Variants in NOCT observed in about 807,000 individuals in gnomAD.
NOCT encodes CCR4 carbon catabolite repression 4-like.
In NOCT, 18 loss-of-function variants were observed where a neutral mutation model predicts 35.0. That is an observed-to-expected ratio of 0.51 (90% confidence interval 0.36 to 0.76). The LOEUF (loss-of-function observed/expected upper bound fraction) is 0.76. NOCT is among the 30% of genes least tolerant of loss of function. NOCT has a pLI of 0.01. For missense variants in NOCT, 479 were observed against 541.0 expected (o/e 0.89, Z 1.14); for synonymous variants, 235 against 226.3 (o/e 1.04, Z -0.34).
chr4:139,045,420 C>T lies in NOCT; in HGVS notation c.1242C>T (p.His414=). The stretch of plus-strand genomic sequence containing the variant: ...CTTCCTTCAATTATCCTTCAGACCA[C>T]CTGTCTCTAGTGTGTGACTTCAGCT... ...RLPSFNYPSD[H]LSLVCDFSFT... Residue 414 remains histidine, a synonymous_variant, in exon 3 of 3, where the codon CAC becomes CAT. Transcript: ENST00000280614. The T allele has an allele frequency of 6.2e-7, 1 of 1,613,250 alleles. No homozygotes were observed.
chr4:139,045,384 C>A lies in NOCT; in HGVS notation c.1206C>A (p.Pro402=). Residue 402 remains proline (P), a synonymous_variant, in exon 3 of 3, where the codon CCC becomes CCA. Transcript: ENST00000280614. ...TGCTCACTGAAGAACAGATTGGACC[C>A]AACAGGTTACCTTCCTTCAATTATC... is the stretch of plus-strand genomic sequence containing the variant. ...LDLLTEEQIG[P]NRLPSFNYPS... The A allele has an allele frequency of 1.2e-6, 2 of 1,614,056 alleles. No individual in the cohort carries two copies. The highest frequency in any genetic ancestry group is 1.7e-6 in the Non-Finnish European group (2 of 1,179,954).
intron 1 of NOCT, among the ~76,000 whole-genome samples, chr4:139,031,006 C>T (rs966158517): frequency 4.6e-5 from 7 of 152,094 alleles, no homozygotes; most frequent in Non-Finnish European, 1.0e-4. Flanking sequence ...GCCAGGCCAC[C>T]GTTTCAAGAT....
chr4:139,020,435 G>GT (rs373606536), intron 1 of NOCT, among the ~76,000 whole-genome samples: 5 of 152,266 alleles, frequency 3.3e-5, no homozygotes, highest in African/African-American at 9.6e-5. Flanking sequence ...GAAGGGGACA[G>GT]TTTGCGGGGT....
At chr4:139,033,766 T>G (rs1052955372) in intron 1 of NOCT, among the ~76,000 whole-genome samples, 3 of 147,044 alleles carry the variant, frequency 2.0e-5, no homozygotes, top group Non-Finnish European at 4.5e-5. Flanking sequence ...TCTCATTTTG[T>G]TTTTTTTTTG....
At chr4:139,039,170 CAAAA>C (rs59445691) in intron 1 of NOCT, among the ~76,000 whole-genome samples, 1,871 of 91,370 alleles carry the variant, frequency 0.02, 83 homozygotes, top group African/African-American at 0.076. Flanking sequence ...GACTCCATTT[CAAAA>C]AAAAAAAAAA....
intron 2 of NOCT, 83 bp from the exon 3 acceptor site, chr4:139,044,556 G>A (rs1341801811): frequency 2.5e-6 from 2 of 800,734 alleles, no homozygotes; most frequent in East Asian, 4.9e-5. Flanking sequence ...CATTCTGAGG[G>A]TCTTGAGTGA....
intron 1 of NOCT, among the ~76,000 whole-genome samples, chr4:139,025,583 G>A (rs1184539171): frequency 6.6e-6 from 1 of 152,094 alleles, no homozygotes; most frequent in Non-Finnish European, 1.5e-5. Context: ...GGCCAAGGCG[G>A]GCAGATTGGG....
At position 139,030,046 on chromosome 4, in the gene NOCT, C is replaced by T. The variant is rs575292728; in HGVS notation, c.191-13028C>T. On this transcript the variant is annotated intron_variant, in intron 1 of 2. Coordinates refer to ENST00000280614, the MANE Select transcript of NOCT (RefSeq NM_012118.4). The stretch of plus-strand genomic sequence containing the variant: ...AGCTGGGATTACAGGGCTGCCACCA[C>T]GCCCAGCTAATTTTTTTGTATTTTT... Among the ~76,000 whole-genome samples, 10 of 152,190 alleles carry T rather than the reference C, an allele frequency of 6.6e-5. No individual in the cohort carries two copies. The South Asian group carries it at 2.1e-3, about 32-fold the overall frequency.
chr4:139,028,400 T>A (rs2292839), intron 1 of NOCT: 26,359 of 152,324 alleles, frequency 0.17, 2,802 homozygotes, highest in Middle Eastern at 0.34. Flanking sequence ...GGTGCTTGTA[T>A]TTTTAGACAC....
chr4:139,017,965 G>A (rs1726343644), intron 1 of NOCT, among the ~76,000 whole-genome samples: 1 of 152,100 alleles, frequency 6.6e-6, no homozygotes, highest in Admixed American at 6.6e-5. Context: ...CTCTGGAGCA[G>A]TTGAGATTTG....
chr4:139,020,472 C>G (rs1182905129), intron 1 of NOCT, among the ~76,000 whole-genome samples: 1 of 152,156 alleles, frequency 6.6e-6, no homozygotes, highest in Non-Finnish European at 1.5e-5. Context: ...GAAGACCACA[C>G]ACACAATGCC....
At chr4:139,026,566 T>G (rs1268296855) in intron 1 of NOCT, among the ~76,000 whole-genome samples, 1 of 151,778 alleles carries the variant, frequency 6.6e-6, no homozygotes, top group South Asian at 2.1e-4. Context: ...TTTTTTTTTT[T>G]TGAGACAGAG....
At chr4:139,038,529 T>A (rs887546221) in intron 1 of NOCT, among the ~76,000 whole-genome samples, 2 of 151,956 alleles carry the variant, frequency 1.3e-5, no homozygotes, top group Non-Finnish European at 2.9e-5. Flanking sequence ...AAAAACTAGA[T>A]CCCCCTAAAA....
In NOCT at chr4:139,045,097, A is replaced by C; in HGVS notation, c.919A>C (p.Asn307His). The part of the protein sequence containing the change: ...RSAQGCDLLQ[N>H]LQNITQGAKI... ...AGCTCAAGGCTGTGACCTCCTTCAGAACCTGCAAAACATCACCCAAGGAGC... is the reference window on the plus strand; with the variant it reads ...AGCTCAAGGCTGTGACCTCCTTCAGCACCTGCAAAACATCACCCAAGGAGC... The change falls in exon 3 of 3, where the codon AAC becomes CAC. Residue 307 changes from asparagine (N) to histidine (H), a missense_variant. This residue lies in a region of NOCT where 214 missense variants were observed against 284.0 expected (regional missense o/e 0.75). Transcript: ENST00000280614. The C allele has an allele frequency of 1.9e-6, 3 of 1,614,214 alleles. No individual in the cohort carries two copies. The highest frequency in any genetic ancestry group is 1.1e-5 in the South Asian group (1 of 91,090).
rs115656053 is a variant in NOCT, at chr4:139,023,432, A to G, written c.190+7261A>G. 5.8e-3 allele frequency among the ~76,000 whole-genome samples: 877 copies of G among 152,298 alleles called. 10 individuals are homozygous for G. The highest frequency in any genetic ancestry group is 0.02 in the African/African-American group (843 of 41,564). Reference sequence around the variant, plus strand: ...TTATCATTGAAGGTCTGCTGAAGGAAAATGTTTATCTTTCAAATCTTGTAG... The same window carrying G: ...TTATCATTGAAGGTCTGCTGAAGGAGAATGTTTATCTTTCAAATCTTGTAG... On this transcript the variant is annotated intron_variant, in intron 1 of 2. Coordinates refer to ENST00000280614, the MANE Select transcript of NOCT (RefSeq NM_012118.4).
Position 139,045,231 on chromosome 4 carries a change from G to A in NOCT, c.1053G>A (p.Leu351=), listed in dbSNP as rs773335755. The A allele has an allele frequency of 5.8e-5, 93 of 1,614,052 alleles. No individual in the cohort carries two copies. Among genetic ancestry groups the A allele is most frequent in the African/African-American group, 1.3e-5 (1 of 74,906 alleles). The change falls in exon 3 of 3, where the codon CTG becomes CTA. Residue 351 remains leucine, a synonymous_variant. Coordinates refer to ENST00000280614, the MANE Select transcript of NOCT (RefSeq NM_012118.4). Reference sequence around the variant, plus strand: ...ACCTGAACAGCGCCTACAAGCTGCTGAGTGCTGATGGGCAGTCAGAACCCC... The same window carrying A: ...ACCTGAACAGCGCCTACAAGCTGCTAAGTGCTGATGGGCAGTCAGAACCCC... ...SLNLNSAYKL[L]SADGQSEPPY... is the part of the protein sequence containing the mutation.
Position 139,016,078 on chromosome 4 carries a change from TC to T in NOCT, c.101del (p.Pro34ArgfsTer49). 1 of 1,389,862 alleles carries T rather than the reference TC, an allele frequency of 7.2e-7. No homozygotes were observed. The allele number at this position is 1,389,862 out of a possible 1,614,324, so 86.1% of individuals were successfully genotyped here. On this transcript the variant is annotated frameshift_variant, in exon 1 of 3. Transcript: ENST00000280614. LOFTEE classifies it high-confidence loss of function. ...LPAPGLRRPL[S>X]PPAAVPRPAS... ...CGCCCCAGGGCTGCGCCGCCCGTTG[TC>T]CCCGCCGGCTGCTGTTCCCAGGCCC...
At chr4:139,028,036 C>T (rs1235058193) in intron 1 of NOCT, 1 of 152,164 alleles carries the variant, frequency 6.6e-6, no homozygotes, top group Non-Finnish European at 1.5e-5. Context: ...CATATTTCCA[C>T]TCACACTGTA....
chr4:139,043,303 C>G lies in NOCT; in HGVS notation c.420C>G (p.His140Gln). Residue 140 changes from histidine to glutamine, a missense_variant, in exon 2 of 3, where the codon CAC becomes CAG. By Grantham distance (24) the His-to-Gln change is conservative (BLOSUM62 0). Transcript: ENST00000280614. Reference protein sequence around the residue: ...VDLRTDCPSTHPPIRVMQWNI... With the variant: ...VDLRTDCPSTQPPIRVMQWNI... The stretch of plus-strand genomic sequence containing the variant: ...TGAGGACAGATTGCCCTAGTACCCA[C>G]CCACCTATCAGGGTTATGCAATGGA... 1.2e-6 allele frequency: 2 copies of G among 1,614,134 alleles called. No homozygotes were observed. The highest frequency in any genetic ancestry group is 2.2e-5 in the South Asian group (2 of 91,080).
Sources: gnomAD v4.1 joint callset for allele counts (sites outside exome capture counted in the v4.1 genomes callset) on GRCh38, gnomAD v4.1.1 for gene constraint, gnomAD v4.1.1 regional missense constraint, MANE v1.5 for transcripts, NCBI Gene and HGNC (gene_info 2026-07-23, HGNC 2026-07-21) for gene names.